The following PTPRZ1 variants were observed in gnomAD, a reference collection of about 807,000 sequenced individuals.
The protein encoded by PTPRZ1 is protein tyrosine phosphatase receptor type Z1, also known as receptor-type tyrosine-protein phosphatase zeta.
PTPRZ1 carries 82 observed loss-of-function variants against 214.1 expected under a neutral mutation model. That is an observed-to-expected ratio of 0.38 (90% CI 0.32 to 0.46). The LOEUF is 0.46. Ranked by LOEUF, PTPRZ1 falls within the 20% of genes least tolerant of loss-of-function variation. PTPRZ1 has a pLI of 1.00. For missense variants in PTPRZ1, 2,603 were observed against 2,748.7 expected, an observed-to-expected ratio of 0.95 and a Z score of 1.19; for synonymous variants, 945 against 987.9, an observed-to-expected ratio of 0.96 and a Z score of 0.81.
At chr7:122,049,564 C>CA (rs1792106318) in intron 23 of PTPRZ1, among the ~76,000 whole-genome samples, 2 of 151,900 alleles carry the variant, frequency 1.3e-5, no homozygotes, top group African/African-American at 4.8e-5. Flanking sequence ...AAAACAGTAG[C>CA]AAAAACTTCA....
At position 122,051,899 on chromosome 7, in the gene PTPRZ1, G is replaced by A; in HGVS notation, c.6212G>A (p.Ser2071Asn). The A allele has an allele frequency of 6.2e-7, 1 of 1,612,466 alleles. No individual in the cohort carries two copies. Among genetic ancestry groups the A allele is most frequent in the Non-Finnish European group, 8.5e-7 (1 of 1,179,628 alleles). Residue 2071 changes from serine to asparagine, a missense_variant, in exon 25 of 30, where the codon AGT becomes AAT. By Grantham distance (46) the Ser-to-Asn change is conservative. This residue lies in a region of PTPRZ1 where 134 missense variants were observed against 183.3 expected (regional missense o/e 0.73). Transcript: ENST00000393386. ...TCAAGGGTTGGCATTTCATCCCTGA[G>A]TGGAGAAGGCACAGACTACATCAAT... ...ERSRVGISSL[S>N]GEGTDYINAS...
Position 121,968,112 on chromosome 7 carries a change from C to A in PTPRZ1, c.286C>A (p.His96Asn). 1 of 1,598,346 alleles carries A rather than the reference C, an allele frequency of 6.3e-7. No individual in the cohort carries two copies. The highest frequency in any genetic ancestry group is 1.2e-5 in the South Asian group (1 of 86,834). ...DKTSLENTFIHNTGKTVEINL... is the reference protein window; with the variant it reads ...DKTSLENTFINNTGKTVEINL... ...AACATCATTGGAAAACACATTCATTCATAACACTGGGAAAACAGGTAAAAT... is the reference window on the plus strand; with the variant it reads ...AACATCATTGGAAAACACATTCATTAATAACACTGGGAAAACAGGTAAAAT... Residue 96 changes from histidine (H) to asparagine (N), a missense_variant, in exon 3 of 30, where the codon CAT becomes AAT. Physicochemically the swap from His to Asn is moderately conservative, Grantham distance 68. Around this residue, in one of 6 missense-constraint regions of PTPRZ1, gnomAD observed 141 missense variants for 143.7 expected, o/e 0.98. Transcript: ENST00000393386.
intron 6 of PTPRZ1, among the ~76,000 whole-genome samples, chr7:121,982,358 TCTTAA>T (rs1406743943): frequency 6.6e-6 from 1 of 152,200 alleles, no homozygotes; most frequent in African/African-American, 2.4e-5. Context: ...TTCAAGATTG[TCTTAA>T]CTTTTCTTTG....
chr7:121,937,060 A>G (rs992304498), intron 2 of PTPRZ1, among the ~76,000 whole-genome samples: 14 of 152,216 alleles, frequency 9.2e-5, no homozygotes, highest in Non-Finnish European at 1.3e-4. Context: ...TTACTACACC[A>G]GCATCCAAAC....
chr7:122,010,935 C>T lies in PTPRZ1; in HGVS notation c.1889C>T (p.Ala630Val), dbSNP rs575747920. 1 of 1,614,080 alleles carries T rather than the reference C, an allele frequency of 6.2e-7. No homozygotes were observed. The highest frequency in any genetic ancestry group is 8.5e-7 in the Non-Finnish European group (1 of 1,180,016). ...CTTATACCAGAATCTGCTAGAAATG[C>T]TTCCGAAGATTCAACTTCATCAGGT... ...DVLIPESARN[A>V]SEDSTSSGSE... is the part of the protein sequence containing the mutation. Residue 630 changes from alanine (A) to valine (V), a missense_variant, in exon 12 of 30, where the codon GCT (alanine) becomes GTT (valine). By Grantham distance (64) the Ala-to-Val change is moderately conservative. Coordinates refer to ENST00000393386, the MANE Select transcript of PTPRZ1 (RefSeq NM_002851.3).
intron 1 of PTPRZ1, among the ~76,000 whole-genome samples, chr7:121,905,229 A>C (rs1795081224): frequency 6.6e-6 from 1 of 152,162 alleles, no homozygotes; most frequent in South Asian, 2.1e-4. Flanking sequence ...TAAGAATTCC[A>C]TGTTTTATAG....
intron 2 of PTPRZ1, among the ~76,000 whole-genome samples, chr7:121,953,662 T>A (rs1442540439): frequency 6.6e-6 from 1 of 152,204 alleles, no homozygotes; most frequent in Non-Finnish European, 1.5e-5. Flanking sequence ...CAGTGGTGCC[T>A]CTCTGGCCAC....
chr7:121,916,721 A>G (rs2116328407), intron 1 of PTPRZ1, among the ~76,000 whole-genome samples: 1 of 152,342 alleles, frequency 6.6e-6, no homozygotes, highest in Non-Finnish European at 1.5e-5. Context: ...AATTTCAGGC[A>G]AAATTTGGGA....
chr7:121,913,694 T>A (rs1240354989), intron 1 of PTPRZ1, among the ~76,000 whole-genome samples: 1 of 152,086 alleles, frequency 6.6e-6, no homozygotes, highest in Non-Finnish European at 1.5e-5. Context: ...TGAAAAGATT[T>A]AAAAAATTAT....
intron 2 of PTPRZ1, 120 bp downstream of exon 2, chr7:121,928,341 G>A (rs1180947472): frequency 4.8e-6 from 3 of 627,372 alleles, no homozygotes; most frequent in Non-Finnish European, 8.1e-6. Context: ...TAAATGGATA[G>A]TTAGATTAAT....
At chr7:121,995,366 G>A (rs1798101138) in intron 8 of PTPRZ1, among the ~76,000 whole-genome samples, 1 of 152,160 alleles carries the variant, frequency 6.6e-6, no homozygotes, top group Non-Finnish European at 1.5e-5. Context: ...CAGCCTGAGA[G>A]ATCTTTCTCT....
At chr7:121,946,967 A>G (rs1277632999) in intron 2 of PTPRZ1, among the ~76,000 whole-genome samples, 2 of 152,162 alleles carry the variant, frequency 1.3e-5, no homozygotes, top group African/African-American at 4.8e-5. Flanking sequence ...AGATTGAACG[A>G]GAGAGGACAA....
At chr7:122,041,140 C>T (rs1002337159) in intron 21 of PTPRZ1, among the ~76,000 whole-genome samples, 161 bp downstream of exon 21, 11 of 152,178 alleles carry the variant, frequency 7.2e-5, no homozygotes, top group African/African-American at 2.7e-4. Flanking sequence ...AGGAAATGAA[C>T]ATGCCAGACT....
rs183569404 is a variant in PTPRZ1, at chr7:121,989,602, G to A, written c.928+5485G>A. Reference sequence around the variant, plus strand: ...TTAGTCAGGCTGGTCTTGAACTCCCGAACTCAGGTGATCCGCCCACCTCGG... The same window carrying A: ...TTAGTCAGGCTGGTCTTGAACTCCCAAACTCAGGTGATCCGCCCACCTCGG... On this transcript the variant is annotated intron_variant, in intron 8 of 29. Coordinates refer to ENST00000393386, the MANE Select transcript of PTPRZ1 (RefSeq NM_002851.3). 8.9e-4 allele frequency among the ~76,000 whole-genome samples: 135 copies of A among 152,210 alleles called. 1 individual carries two copies. In the Middle Eastern group the frequency reaches 0.027, roughly 31 times the overall value.
chr7:122,044,658 G>A, intron 23 of PTPRZ1, 90 bp downstream of exon 23: 1 of 1,341,502 alleles, frequency 7.5e-7, no homozygotes, highest in Non-Finnish European at 1.0e-6. Flanking sequence ...ACGTTGAGTG[G>A]GCAGTATGGG....
At chr7:121,976,399 C>CA in intron 5 of PTPRZ1, 131 bp downstream of exon 5, 3 of 575,768 alleles carry the variant, frequency 5.2e-6, no homozygotes, top group Non-Finnish European at 8.7e-6. Context: ...TGGTCATTTT[C>CA]AAAAAAAGAT....
intron 9 of PTPRZ1, among the ~76,000 whole-genome samples, chr7:121,996,954 A>G (rs1338943884): frequency 6.6e-6 from 1 of 152,204 alleles, no homozygotes; most frequent in African/African-American, 2.4e-5. Flanking sequence ...AAAGTAGAGT[A>G]GGGGACATAC....
At chr7:121,922,638 G>T (rs1795634949) in intron 1 of PTPRZ1, among the ~76,000 whole-genome samples, 2 of 152,092 alleles carry the variant, frequency 1.3e-5, no homozygotes, top group African/African-American at 4.8e-5. Flanking sequence ...TCAGAGAAAA[G>T]ACTTATTTTG....
Position 122,010,903 on chromosome 7 carries a change from T to G in PTPRZ1, c.1857T>G (p.Tyr619Ter). 6.2e-7 allele frequency: 1 copy of G among 1,614,042 alleles called. No homozygotes were observed. The highest frequency in any genetic ancestry group is 8.5e-7 in the Non-Finnish European group (1 of 1,179,974). Residue 619 changes from tyrosine (Y) to a stop codon, truncating the protein, a stop_gained, in exon 12 of 30, where the codon TAT becomes TAG. Transcript: ENST00000393386. LOFTEE classifies it high-confidence loss of function. ...CCGAAAACCCAGAGACAATAACATA[T>G]GATGTCCTTATACCAGAATCTGCTA... ...FSSENPETIT[Y>*]DVLIPESARN...
Sources: allele counts gnomAD v4.1 joint callset (sites outside exome capture counted in the v4.1 genomes callset), GRCh38; gene constraint gnomAD v4.1.1; regional missense constraint gnomAD v4.1.1; transcripts MANE v1.5; gene names NCBI Gene and HGNC (gene_info 2026-07-23, HGNC 2026-07-21).